NACC2: variants seen among roughly 807,000 people sequenced by gnomAD.
NACC2 encodes the protein nucleus accumbens-associated protein 2.
NACC2 carries 8 observed loss-of-function variants against 25.1 expected under a neutral mutation model. The observed-to-expected ratio is 0.32, with a 90% CI of 0.19 to 0.57. The LOEUF is 0.57. Among genes scored for constraint, NACC2 ranks in the 20% least tolerant of loss-of-function variants. NACC2 has a pLI of 0.89. For synonymous variants in NACC2, 435 were observed against 294.7 expected, an observed-to-expected ratio of 1.48 and a Z score of -4.88; for missense variants, 644 against 650.2, an observed-to-expected ratio of 0.99 and a Z score of 0.10.
In NACC2 at chr9:136,058,804, G is replaced by A. The variant is rs1438397363; in HGVS notation, c.-59-8224C>T. 6.6e-5 allele frequency among the ~76,000 whole-genome samples: 10 copies of A among 152,222 alleles called. No homozygotes were observed. The South Asian group carries it at 1.4e-3, about 22-fold the overall frequency. ...GGAATAGCCCCCACCTGCACACTTC[G>A]GGCAATGCCTCACGCTGGGGCATGG... is the stretch of plus-strand genomic sequence containing the variant. On this transcript the variant is annotated intron_variant, in intron 1 of 5. Transcript: ENST00000277554.
At chr9:136,034,131 T>G (rs1490012461) in intron 2 of NACC2, among the ~76,000 whole-genome samples, 1 of 152,022 alleles carries the variant, frequency 6.6e-6, no homozygotes, top group African/African-American at 2.4e-5. Flanking sequence ...AGAGTTCAAT[T>G]ACAAACACAT....
chr9:136,055,720 T>A lies in NACC2; in HGVS notation c.-59-5140A>T, dbSNP rs1840913998. ...ATAAGAGGTTCTGGACCTCAGCAAATGCACAGCCATTAAACACGTGGTAGA... is the reference window on the plus strand; with the variant it reads ...ATAAGAGGTTCTGGACCTCAGCAAAAGCACAGCCATTAAACACGTGGTAGA... On this transcript the variant is annotated intron_variant, in intron 1 of 5. Transcript: ENST00000277554. This position sits in a 1 kb window ranked among gnomAD's most constrained non-coding sequence, Gnocchi z 4.9. Among the ~76,000 whole-genome samples the A allele has an allele frequency of 6.6e-6, 1 of 152,116 alleles. No homozygotes were observed. Among genetic ancestry groups the A allele is most frequent in the South Asian group, 2.1e-4 (1 of 4,834 alleles).
Position 136,086,268 on chromosome 9 carries a change from G to A in NACC2, c.-60+8921C>T, listed in dbSNP as rs1193131775. Among the ~76,000 whole-genome samples, 2 of 152,238 alleles carry A rather than the reference G, an allele frequency of 1.3e-5. No homozygotes were observed. The highest frequency in any genetic ancestry group is 1.5e-5 in the Non-Finnish European group (1 of 68,036). ...AGAACCCTCACACCGTGCAGCTGGG[G>A]ACAGGACGAAGGGCACATGCCCCCC... On this transcript the variant is annotated intron_variant, in intron 1 of 5. Transcript: ENST00000277554. The surrounding 1 kb of genome is among the most constrained non-coding windows in gnomAD (Gnocchi z 5.6).
At chr9:136,088,844 C>T (rs1830405635) in intron 1 of NACC2, among the ~76,000 whole-genome samples, 1 of 152,200 alleles carries the variant, frequency 6.6e-6, no homozygotes, top group Non-Finnish European at 1.5e-5. Flanking sequence ...GGACCTACCC[C>T]AAGCCCCGAG....
At chr9:136,042,738 A>G (rs1365407854) in intron 2 of NACC2, among the ~76,000 whole-genome samples, 1 of 151,342 alleles carries the variant, frequency 6.6e-6, no homozygotes, top group Non-Finnish European at 1.5e-5. Context: ...ACAGACACAC[A>G]CAGACACAGA....
rs116032001 is a variant in NACC2 at position 136,031,899 on chromosome 9, T to C, written c.887-15470A>G. On this transcript the variant is annotated intron_variant, in intron 2 of 5. Transcript: ENST00000277554. Reference sequence around the variant, plus strand: ...TCCCACCTCCTCTAACTGTGAGGTTTTGGCATCTGCACCAACACCCACAGC... The same window carrying C: ...TCCCACCTCCTCTAACTGTGAGGTTCTGGCATCTGCACCAACACCCACAGC... Among the ~76,000 whole-genome samples, 231 of 149,050 alleles carry C rather than the reference T, an allele frequency of 1.5e-3. 1 individual carries two copies. Among genetic ancestry groups the C allele is most frequent in the African/African-American group, 5.7e-3 (221 of 38,464 alleles).
intron 1 of NACC2, among the ~76,000 whole-genome samples, chr9:136,077,661 C>G (rs182818376): frequency 3.9e-4 from 59 of 152,214 alleles, no homozygotes; most frequent in South Asian, 1.0e-3. Flanking sequence ...GGTCCCCAGG[C>G]GGTGACACCT....
chr9:136,074,190 C>T (rs1830231342), intron 1 of NACC2, among the ~76,000 whole-genome samples: 1 of 151,294 alleles, frequency 6.6e-6, no homozygotes, highest in Non-Finnish European at 1.5e-5. Flanking sequence ...GTGGCTCATG[C>T]CTGTAATCCC....
intron 1 of NACC2, among the ~76,000 whole-genome samples, chr9:136,094,709 AG>A (rs1830469520): frequency 6.6e-6 from 1 of 151,686 alleles, no homozygotes; most frequent in Non-Finnish European, 1.5e-5. Flanking sequence ...CGGCTGGGCC[AG>A]GCAGCTGCGC....
intron 2 of NACC2, among the ~76,000 whole-genome samples, chr9:136,026,966 T>C (rs571248457): frequency 1.4e-3 from 218 of 152,302 alleles, no homozygotes; most frequent in Non-Finnish European, 2.9e-3. Flanking sequence ...CAGTAGCTCA[T>C]GCCTGTAATC....
At chr9:136,075,726 C>T (rs1243430115) in intron 1 of NACC2, among the ~76,000 whole-genome samples, 2 of 152,236 alleles carry the variant, frequency 1.3e-5, no homozygotes, top group African/African-American at 2.4e-5. Flanking sequence ...GTGCAGACTG[C>T]GCCCAGGGGA....
chr9:136,029,614 T>C (rs1383109962), intron 2 of NACC2, among the ~76,000 whole-genome samples: 2 of 152,178 alleles, frequency 1.3e-5, no homozygotes, highest in Non-Finnish European at 2.9e-5. Flanking sequence ...GAGCCGGGGC[T>C]GTGACACCTT....
intron 2 of NACC2, among the ~76,000 whole-genome samples, chr9:136,031,002 A>G (rs1316977099): frequency 6.6e-6 from 1 of 152,136 alleles, no homozygotes. Context: ...ACTTCCAGAT[A>G]TACACAACTT....
chr9:136,032,418 A>G (rs1259546253), intron 2 of NACC2, among the ~76,000 whole-genome samples: 1 of 152,220 alleles, frequency 6.6e-6, no homozygotes, highest in Non-Finnish European at 1.5e-5. Flanking sequence ...AAATGAAATA[A>G]ATTTCCTTAA....
At chr9:136,016,558 G>A (rs1265372161) in intron 2 of NACC2, 129 bp from the exon 3 acceptor site, 43 of 1,105,718 alleles carry the variant, frequency 3.9e-5, no homozygotes, top group Non-Finnish European at 5.4e-5. Flanking sequence ...GCCCAGGTGA[G>A]GCCACTCTGT....
chr9:136,063,310 T>C (rs1841037747), intron 1 of NACC2, among the ~76,000 whole-genome samples: 1 of 152,226 alleles, frequency 6.6e-6, no homozygotes, highest in African/African-American at 2.4e-5. Flanking sequence ...CTCTGTGGGC[T>C]GATCCTGTGG....
At chr9:136,077,599 GCA>G (rs139677488) in intron 1 of NACC2, among the ~76,000 whole-genome samples, 1 of 152,218 alleles carries the variant, frequency 6.6e-6, no homozygotes, top group East Asian at 1.9e-4. Context: ...AAAGGGAAAC[GCA>G]CAGAGGAGGG....
chr9:136,084,601 C>G lies in NACC2; in HGVS notation c.-60+10588G>C, dbSNP rs1003278870. On this transcript the variant is annotated intron_variant, in intron 1 of 5. Coordinates refer to ENST00000277554, the MANE Select transcript of NACC2 (RefSeq NM_144653.5). The surrounding 1 kb of genome is among the most constrained non-coding windows in gnomAD (Gnocchi z 5.1). ...CACAGAATACACCAGGCTGGAAGAG[C>G]CCAGAGACACAGCAAGACTCAAACA... 6.6e-6 allele frequency among the ~76,000 whole-genome samples: 1 copy of G among 152,212 alleles called. No individual in the cohort carries two copies. The highest frequency in any genetic ancestry group is 2.4e-5 in the African/African-American group (1 of 41,452).
intron 3 of NACC2, 72 bp downstream of exon 3, chr9:136,016,193 G>A: frequency 6.5e-7 from 1 of 1,538,102 alleles, no homozygotes; most frequent in Non-Finnish European, 8.9e-7. Flanking sequence ...ATTGTTCAGA[G>A]CTCTCCAATA....
Sources: allele counts gnomAD v4.1 joint callset (sites outside exome capture counted in the v4.1 genomes callset), GRCh38; gene constraint gnomAD v4.1.1; non-coding constraint Gnocchi (gnomAD v3.1); transcripts MANE v1.5; gene names NCBI Gene and HGNC (gene_info 2026-07-23, HGNC 2026-07-21).